Variants in MRPL42 observed in about 807,000 individuals in gnomAD.
MRPL42 encodes mitochondrial ribosomal protein L42.
A neutral mutation model predicts 17.9 loss-of-function variants in MRPL42; 17 were observed. That is an observed-to-expected ratio of 0.95 (90% CI 0.65 to 1.42). MRPL42 has a LOEUF of 1.42. Among genes scored for constraint, MRPL42 ranks in the 40% most tolerant of loss-of-function variants. The pLI is 0.00. For missense variants in MRPL42, 177 were observed against 175.2 expected (o/e 1.01, Z -0.06); for synonymous variants, 59 against 54.4 (o/e 1.08, Z -0.37).
chr12:93,497,927 C>G (rs1473655437), intron 5 of MRPL42, among the ~76,000 whole-genome samples: 2 of 145,010 alleles, frequency 1.4e-5, no homozygotes, highest in South Asian at 2.3e-4. Flanking sequence ...GCCCTACTGT[C>G]TTTTCCTTGT....
In MRPL42 at chr12:93,512,738, C is replaced by CA. The variant is rs1237217383; in HGVS notation, c.*11520dup. 1 of 152,192 alleles carries CA rather than the reference C, an allele frequency of 6.6e-6. No homozygotes were observed. The highest frequency in any genetic ancestry group is 1.5e-5 in the Non-Finnish European group (1 of 68,036). The allele number at this position is 152,192 out of a possible 1,614,324, so 9.4% of individuals were successfully genotyped here. A position where few individuals can be genotyped will look rare whatever the true frequency, so the allele number is the denominator to read the frequency against. Reference sequence around the variant, plus strand: ...ATATTGCACATCTGTAAGAAGTAATCAAACTATTGTGAATTTGATAGAATG... The same window carrying CA: ...ATATTGCACATCTGTAAGAAGTAATCAAAACTATTGTGAATTTGATAGAATG... On this transcript the variant is annotated 3_prime_UTR_variant, in exon 6 of 6. Transcript: ENST00000549982.
At chr12:93,470,346 A>G (rs1879848649) in intron 2 of MRPL42, 1 of 724,396 alleles carries the variant, frequency 1.4e-6, no homozygotes, top group Non-Finnish European at 1.8e-6. Context: ...CTGTCTGTAA[A>G]CAGAGTTTAT....
At chr12:93,500,850 T>G (rs1410309817) in intron 5 of MRPL42, 1 of 180,440 alleles carries the variant, frequency 5.5e-6, no homozygotes, top group Non-Finnish European at 1.2e-5. Flanking sequence ...TCCCAGCTAC[T>G]AGGCAGGGTA....
Position 93,504,134 on chromosome 12 carries a change from G to A in MRPL42, c.*2913G>A, listed in dbSNP as rs1220328058. The A allele has an allele frequency of 1.3e-5, 2 of 153,904 alleles. No homozygotes were observed. Among genetic ancestry groups the A allele is most frequent in the Admixed American group, 1.3e-4 (2 of 15,226 alleles). 9.5% of individuals were successfully genotyped at this position (153,904 alleles called of 1,614,324 possible). A position where few individuals can be genotyped will look rare whatever the true frequency, so the allele number is the denominator to read the frequency against. On this transcript the variant is annotated 3_prime_UTR_variant, in exon 6 of 6. Transcript: ENST00000549982. ...TTTATGTACATTTTTAAAGTCAGTG[G>A]TTTAAACTGTATACTTTTTGGGTTT...
Position 93,479,721 on chromosome 12 carries a change from G to A in MRPL42, c.219+249G>A, listed in dbSNP as rs551000737. 1.5e-4 allele frequency among the ~76,000 whole-genome samples: 22 copies of A among 151,610 alleles called. No homozygotes were observed. In the South Asian group the frequency reaches 4.6e-3, roughly 32 times the overall value. On this transcript the variant is annotated intron_variant, in intron 4 of 5. Coordinates refer to ENST00000549982, the MANE Select transcript of MRPL42 (RefSeq NM_014050.4). ...ATCAGTTTTCTGGTCTAAAAAATTT[G>A]GTAGATTTCTGGTTAAGGATCAAAT... is the stretch of plus-strand genomic sequence containing the variant.
At chr12:93,487,014 G>T (rs183284388) in intron 4 of MRPL42, among the ~76,000 whole-genome samples, 26 of 151,872 alleles carry the variant, frequency 1.7e-4, no homozygotes, top group Admixed American at 1.3e-3. Context: ...CTGTCACCCA[G>T]GCTGGAGCAC....
At chr12:93,482,149 T>C (rs1356285348) in intron 4 of MRPL42, among the ~76,000 whole-genome samples, 1 of 152,186 alleles carries the variant, frequency 6.6e-6, no homozygotes, top group Non-Finnish European at 1.5e-5. Context: ...TTAGGTGAGC[T>C]CTCCACTCAG....
intron 4 of MRPL42, 54 bp downstream of exon 4, chr12:93,479,526 A>C: frequency 8.1e-7 from 1 of 1,240,428 alleles, no homozygotes; most frequent in East Asian, 2.4e-5. Flanking sequence ...AAATGTTTGC[A>C]CTTCTTTATA....
chr12:93,471,369 G>T lies in MRPL42; in HGVS notation c.70+2014G>T, dbSNP rs140089181. On this transcript the variant is annotated intron_variant, in intron 2 of 5. Transcript: ENST00000549982. Reference sequence around the variant, plus strand: ...AGTAGAGGTAAAGTTTCACCATGTTGGCCAGGCTGGTCTCGAACTCCCAAC... The same window carrying T: ...AGTAGAGGTAAAGTTTCACCATGTTTGCCAGGCTGGTCTCGAACTCCCAAC... Among the ~76,000 whole-genome samples, 463 of 152,154 alleles carry T rather than the reference G, an allele frequency of 3.0e-3. 5 individuals are homozygous for T. The highest frequency in any genetic ancestry group is 0.011 in the African/African-American group (442 of 41,522).
intron 4 of MRPL42, among the ~76,000 whole-genome samples, chr12:93,486,213 G>A (rs1316433226): frequency 1.3e-5 from 2 of 152,156 alleles, no homozygotes; most frequent in Non-Finnish European, 2.9e-5. Context: ...GAGGAGATAA[G>A]ATTTTTAGTA....
chr12:93,489,629 G>A (rs1330963326), intron 5 of MRPL42, among the ~76,000 whole-genome samples: 9 of 152,080 alleles, frequency 5.9e-5, no homozygotes, highest in Non-Finnish European at 1.5e-5. Flanking sequence ...CGCCTCCCAG[G>A]TTCGAGTGAT....
chr12:93,467,610 C>T (rs1374786801), intron 1 of MRPL42, 56 bp downstream of exon 1: 2 of 152,714 alleles, frequency 1.3e-5, no homozygotes, highest in African/African-American at 4.8e-5. Flanking sequence ...TGGGCAGTCC[C>T]ACAGTGTTGG....
Position 93,471,007 on chromosome 12 carries a change from A to G in MRPL42, c.70+1652A>G, listed in dbSNP as rs141213858. 1.4e-4 allele frequency among the ~76,000 whole-genome samples: 22 copies of G among 152,278 alleles called. No homozygotes were observed. The East Asian group carries it at 3.3e-3, about 23-fold the overall frequency. The stretch of plus-strand genomic sequence containing the variant: ...CTATTTACCACCATTTGTAATTGAA[A>G]GTTTGCTTATTGAATTAGGGAGAAA... On this transcript the variant is annotated intron_variant, in intron 2 of 5. Transcript: ENST00000549982.
rs750799768 is a variant in MRPL42 at position 93,505,911 on chromosome 12, C to CTT, written c.*4709_*4710dup. The stretch of plus-strand genomic sequence containing the variant: ...TAGAACCTTATGATTACTTCTGAGT[C>CTT]TTTTTTTTTTTTTTTTTTTTGAGAT... On this transcript the variant is annotated 3_prime_UTR_variant, in exon 6 of 6. Coordinates refer to ENST00000549982, the MANE Select transcript of MRPL42 (RefSeq NM_014050.4). The CTT allele has an allele frequency of 3.5e-4, 43 of 122,582 alleles. No individual in the cohort carries two copies. Among genetic ancestry groups the CTT allele is most frequent in the African/African-American group, 8.4e-4 (27 of 32,326 alleles). The allele number at this position is 122,582 out of a possible 1,614,324, so 7.6% of individuals were successfully genotyped here.
Position 93,502,469 on chromosome 12 carries a change from C to G in MRPL42, c.*1248C>G, listed in dbSNP as rs146746826. ...AATTTCTCAAAGTCTATTGTTTGAT[C>G]TAGTTATTTTAATAAAGGAACTCTA... is the stretch of plus-strand genomic sequence containing the variant. On this transcript the variant is annotated 3_prime_UTR_variant, in exon 6 of 6. Transcript: ENST00000549982. The G allele has an allele frequency of 1.2e-3, 188 of 152,126 alleles. No homozygotes were observed. The highest frequency in any genetic ancestry group is 4.3e-3 in the African/African-American group (177 of 41,478). 9.4% of individuals were successfully genotyped at this position (152,126 alleles called of 1,614,324 possible). A position where few individuals can be genotyped will look rare whatever the true frequency, so the allele number is the denominator to read the frequency against.
intron 1 of MRPL42, among the ~76,000 whole-genome samples, chr12:93,468,917 A>C (rs1390505300): frequency 6.6e-6 from 1 of 152,200 alleles, no homozygotes; most frequent in East Asian, 1.9e-4. Flanking sequence ...TTACACATTT[A>C]CTGAGTATTC....
At chr12:93,488,475 G>A (rs1953352731) in intron 5 of MRPL42, 1 of 382,252 alleles carries the variant, frequency 2.6e-6, no homozygotes, top group Admixed American at 4.5e-5. Context: ...TTTAACCAGA[G>A]CTTTCAGTGA....
At chr12:93,492,827 T>G (rs1038500920) in intron 5 of MRPL42, among the ~76,000 whole-genome samples, 1 of 151,680 alleles carries the variant, frequency 6.6e-6, no homozygotes, top group Non-Finnish European at 1.5e-5. Context: ...TAATGTGCAC[T>G]ACAATCACTA....
intron 5 of MRPL42, among the ~76,000 whole-genome samples, chr12:93,496,213 A>C (rs1846393): frequency 0.67 from 101,863 of 151,794 alleles, 34,413 homozygotes; most frequent in Middle Eastern, 0.72. Context: ...CAGTTACCAC[A>C]ACACCCGGCT....
Sources: gnomAD v4.1 joint callset for allele counts (sites outside exome capture counted in the v4.1 genomes callset) on GRCh38, gnomAD v4.1.1 for gene constraint, MANE v1.5 for transcripts, NCBI Gene and HGNC (gene_info 2026-07-23, HGNC 2026-07-21) for gene names.